SNTB2: variants seen among roughly 807,000 people sequenced by gnomAD.
SNTB2 encodes beta-2-syntrophin.
SNTB2 carries 34 observed loss-of-function variants against 46.2 expected under a neutral mutation model. That is an observed-to-expected ratio of 0.74 (90% CI 0.56 to 0.98). SNTB2 has a LOEUF of 0.98. Among genes scored for constraint, SNTB2 ranks in the 50% least tolerant of loss-of-function variants. The probability of loss-of-function intolerance (pLI) is 0.00; values close to 1 mark genes in which losing one functional copy is unlikely to be tolerated. For synonymous variants in SNTB2, 290 were observed against 312.6 expected (o/e 0.93, Z 0.76); for missense variants, 603 against 731.4 (o/e 0.82, Z 2.02).
chr16:69,250,012 T>C (rs1400856792), intron 2 of SNTB2, among the ~76,000 whole-genome samples: 1 of 152,032 alleles, frequency 6.6e-6, no homozygotes, highest in Non-Finnish European at 1.5e-5. Context: ...GATAGGAGAA[T>C]TGCTTGAACC....
chr16:69,192,091 A>G (rs528426307), intron 1 of SNTB2, among the ~76,000 whole-genome samples: 2 of 152,354 alleles, frequency 1.3e-5, no homozygotes, highest in African/African-American at 2.4e-5. Context: ...TGATGGGAAC[A>G]GAATTTTGGG....
At chr16:69,229,572 G>A (rs1964487216) in intron 1 of SNTB2, among the ~76,000 whole-genome samples, 1 of 149,544 alleles carries the variant, frequency 6.7e-6, no homozygotes, top group African/African-American at 2.5e-5. Context: ...TGGTGCGGTG[G>A]CTCACACCTA....
intron 5 of SNTB2, among the ~76,000 whole-genome samples, chr16:69,292,209 C>A (rs1311680574): frequency 6.7e-6 from 1 of 149,502 alleles, no homozygotes; most frequent in Non-Finnish European, 1.5e-5. Flanking sequence ...TGCACTCCAG[C>A]CTGGGCGACA....
At chr16:69,209,072 G>A (rs1175052519) in intron 1 of SNTB2, among the ~76,000 whole-genome samples, 4 of 152,046 alleles carry the variant, frequency 2.6e-5, no homozygotes, top group Non-Finnish European at 1.5e-5. Context: ...CCGCCTCCCA[G>A]GTTCAGGCCA....
chr16:69,201,272 TAGA>T (rs1330417617), intron 1 of SNTB2, among the ~76,000 whole-genome samples: 3 of 152,182 alleles, frequency 2.0e-5, no homozygotes, highest in Non-Finnish European at 4.4e-5. Flanking sequence ...GTCACTGAAC[TAGA>T]AGGACTCCTC....
At chr16:69,270,057 C>T (rs956769502) in intron 3 of SNTB2, 86 bp from the exon 4 acceptor site, 1 of 1,486,620 alleles carries the variant, frequency 6.7e-7, no homozygotes, top group African/African-American at 1.4e-5. Flanking sequence ...AAATGGAGAC[C>T]CATTGTGTTA....
chr16:69,208,402 G>A (rs1288823230), intron 1 of SNTB2, among the ~76,000 whole-genome samples: 8 of 145,654 alleles, frequency 5.5e-5, no homozygotes, highest in African/African-American at 1.3e-4. Flanking sequence ...GCAAAACTTC[G>A]TCTCAAAAAA....
At chr16:69,188,141 TAA>T (rs568605215) in intron 1 of SNTB2, among the ~76,000 whole-genome samples, 5 of 140,660 alleles carry the variant, frequency 3.6e-5, no homozygotes, top group Admixed American at 7.1e-5. Flanking sequence ...GCGGGTCTAT[TAA>T]AAAAAAAAAA....
chr16:69,237,609 T>TC (rs200953690), intron 1 of SNTB2, among the ~76,000 whole-genome samples: 2,960 of 146,876 alleles, frequency 0.02, 87 homozygotes, highest in African/African-American at 0.071. Flanking sequence ...CTTTCTTTTT[T>TC]TTTTTTTTTT....
chr16:69,235,633 G>A, intron 1 of SNTB2: 2 of 1,180,678 alleles, frequency 1.7e-6, no homozygotes, highest in Non-Finnish European at 2.1e-6. Context: ...CGGGAAGTGG[G>A]GAGCAGAAAG....
intron 1 of SNTB2, among the ~76,000 whole-genome samples, chr16:69,196,734 T>C (rs1964109821): frequency 6.6e-6 from 1 of 152,160 alleles, no homozygotes; most frequent in Non-Finnish European, 1.5e-5. Flanking sequence ...AAAATATAAA[T>C]AAATTGAGTC....
At position 69,299,447 on chromosome 16, in the gene SNTB2, A is replaced by G. The variant is rs1965258934; in HGVS notation, c.1346-143A>G. On this transcript the variant is annotated intron_variant, in intron 5 of 6. Transcript: ENST00000336278. ...TGAGCCACCACGCCTAGCACAAAAC[A>G]CACTTTAGAAGTTTCCATACAGGTT... 7.3e-6 allele frequency: 6 copies of G among 824,918 alleles called. No homozygotes were observed. In the South Asian group the frequency reaches 1.1e-4, roughly 15 times the overall value. 51.1% of individuals were successfully genotyped at this position (824,918 alleles called of 1,614,324 possible).
chr16:69,298,812 G>A (rs1484060844), intron 5 of SNTB2, among the ~76,000 whole-genome samples: 5 of 151,634 alleles, frequency 3.3e-5, no homozygotes, highest in African/African-American at 7.3e-5. Flanking sequence ...GTGAGCCACC[G>A]TACCCGGCCA....
At chr16:69,213,499 T>C (rs905347995) in intron 1 of SNTB2, among the ~76,000 whole-genome samples, 3 of 137,920 alleles carry the variant, frequency 2.2e-5, no homozygotes, top group Admixed American at 7.1e-5. Context: ...ATACTGTTAT[T>C]CTTCTTATTT....
In SNTB2 at chr16:69,210,777, G is replaced by T. The variant is rs1014322469; in HGVS notation, c.580+23031G>T. ...GGAGGCTGAGGTGGGCGGATCCCCT[G>T]AGGTCAGGAGTTCCAGACTAGCATG... On this transcript the variant is annotated intron_variant, in intron 1 of 6. Coordinates refer to ENST00000336278, the MANE Select transcript of SNTB2 (RefSeq NM_006750.4). Among the ~76,000 whole-genome samples the T allele has an allele frequency of 1.1e-4, 16 of 152,260 alleles. No individual in the cohort carries two copies. In the East Asian group the frequency reaches 2.7e-3, roughly 26 times the overall value.
At chr16:69,214,977 G>A (rs955180049) in intron 1 of SNTB2, among the ~76,000 whole-genome samples, 15 of 151,862 alleles carry the variant, frequency 9.9e-5, no homozygotes, top group Non-Finnish European at 2.2e-4. Context: ...CCAGGTAGCT[G>A]GGATTACAGG....
chr16:69,279,414 G>T (rs1965015196), intron 4 of SNTB2, among the ~76,000 whole-genome samples: 2 of 151,290 alleles, frequency 1.3e-5, no homozygotes, highest in Admixed American at 1.3e-4. Context: ...TCCATCTCTT[G>T]GCTGTTGTGG....
intron 3 of SNTB2, among the ~76,000 whole-genome samples, chr16:69,269,768 T>C (rs1311249556): frequency 6.6e-6 from 1 of 152,132 alleles, no homozygotes; most frequent in South Asian, 2.1e-4. Context: ...AACATATTAC[T>C]ATATATTTAA....
At chr16:69,251,468 T>TAAA (rs71148976) in intron 2 of SNTB2, among the ~76,000 whole-genome samples, 6 of 106,128 alleles carry the variant, frequency 5.7e-5, no homozygotes, top group African/African-American at 7.4e-5. Context: ...ATGTTTAGTT[T>TAAA]AAAAAAAAAA....
Sources: gnomAD v4.1 joint callset for allele counts (sites outside exome capture counted in the v4.1 genomes callset) on GRCh38, gnomAD v4.1.1 for gene constraint, MANE v1.5 for transcripts, NCBI Gene and HGNC (gene_info 2026-07-23, HGNC 2026-07-21) for gene names.